Variants in DACH2 observed in about 807,000 individuals in gnomAD.
The protein encoded by DACH2 is dachshund homolog 2.
A neutral mutation model predicts 35.8 loss-of-function variants in DACH2; 17 were observed. The ratio of observed to expected loss-of-function variants is 0.48; its 90% confidence interval spans 0.33 to 0.71. DACH2 has a LOEUF of 0.71. Among genes scored for constraint, DACH2 ranks in the 30% least tolerant of loss-of-function variants. DACH2 has a pLI of 0.02. For missense variants in DACH2, 469 were observed against 472.7 expected, an observed-to-expected ratio of 0.99 and a Z score of 0.07; for synonymous variants, 195 against 177.3, an observed-to-expected ratio of 1.10 and a Z score of -0.79.
intron 7 of DACH2, among the ~76,000 whole-genome samples, chrX:86,754,281 A>C (rs1319358734): frequency 9.0e-6 from 1 of 111,069 alleles, no homozygotes; most frequent in Non-Finnish European, 1.9e-5. Flanking sequence ...AATCATCTAG[A>C]ATGTAGTACA....
chrX:86,542,281 G>A (rs767723134), intron 3 of DACH2, among the ~76,000 whole-genome samples: 1 of 111,592 alleles, frequency 9.0e-6, no homozygotes, highest in South Asian at 3.8e-4. Flanking sequence ...TTGGTGTCGG[G>A]AGGTGGGGAT....
chrX:86,722,500 C>T (rs1046141422), intron 6 of DACH2, among the ~76,000 whole-genome samples: 2 of 102,016 alleles, frequency 2.0e-5, no homozygotes, highest in Admixed American at 2.1e-4. Context: ...TGACATGTTC[C>T]ACCATGCCTG....
At chrX:86,270,008 T>TTATATA (rs1176003234) in intron 1 of DACH2, among the ~76,000 whole-genome samples, 1 of 101,869 alleles carries the variant, frequency 9.8e-6, no homozygotes, top group African/African-American at 3.6e-5. Flanking sequence ...CATGTTTTAA[T>TTATATA]TATATATATA....
chrX:86,593,054 G>T (rs1040453659), intron 3 of DACH2, among the ~76,000 whole-genome samples: 6 of 111,098 alleles, frequency 5.4e-5, no homozygotes, highest in African/African-American at 1.6e-4. Context: ...TGATGTTGAT[G>T]ATAAATGGTG....
chrX:86,237,425 G>GT (rs1004458885), intron 1 of DACH2, among the ~76,000 whole-genome samples: 4 of 111,746 alleles, frequency 3.6e-5, no homozygotes, highest in East Asian at 2.8e-4. Flanking sequence ...AGCACAGTAG[G>GT]TTTTTTTACA....
At chrX:86,297,913 T>C (rs1164504975) in intron 1 of DACH2, among the ~76,000 whole-genome samples, 1 of 111,495 alleles carries the variant, frequency 9.0e-6, no homozygotes, top group Non-Finnish European at 1.9e-5. Context: ...AGGAAGCAGG[T>C]TCAGGGAAAT....
chrX:86,572,759 C>A (rs1219217080), intron 3 of DACH2, among the ~76,000 whole-genome samples: 1 of 111,403 alleles, frequency 9.0e-6, no homozygotes, highest in Non-Finnish European at 1.9e-5. Context: ...TACATAACCT[C>A]ATTTCTCCGT....
At chrX:86,181,825 T>C (rs2031504613) in intron 1 of DACH2, among the ~76,000 whole-genome samples, 1 of 112,005 alleles carries the variant, frequency 8.9e-6, no homozygotes, top group Non-Finnish European at 1.9e-5. Context: ...GTTCTATTTT[T>C]CCACATCCTC....
chrX:86,247,920 G>C (rs1387425535), intron 1 of DACH2, among the ~76,000 whole-genome samples: 2 of 111,055 alleles, frequency 1.8e-5, no homozygotes, highest in Admixed American at 9.6e-5. Context: ...TCATCACATA[G>C]ATAGAACTAG....
At chrX:86,742,627 C>T (rs995234728) in intron 7 of DACH2, 7 of 253,524 alleles carry the variant, frequency 2.8e-5, no homozygotes, top group African/African-American at 1.4e-4. Context: ...TACTCAGTTA[C>T]ATCTCTTATT....
intron 2 of DACH2, among the ~76,000 whole-genome samples, chrX:86,398,325 T>C (rs1323063150): frequency 8.9e-6 from 1 of 112,523 alleles, no homozygotes; most frequent in East Asian, 2.8e-4. Context: ...TTTGTTGATC[T>C]TTTCAAAAAA....
chrX:86,194,152 A>T (rs1244267255), intron 1 of DACH2, among the ~76,000 whole-genome samples: 1 of 111,326 alleles, frequency 9.0e-6, no homozygotes, highest in Non-Finnish European at 1.9e-5. Context: ...TAATTTGACT[A>T]TTGAAGACTA....
chrX:86,424,207 C>A (rs2148161795), intron 2 of DACH2, among the ~76,000 whole-genome samples: 1 of 110,607 alleles, frequency 9.0e-6, no homozygotes, highest in Non-Finnish European at 1.9e-5. Flanking sequence ...GGATGTTTTT[C>A]TATTTCTGTG....
chrX:86,220,165 C>CAAAA (rs57964243), intron 1 of DACH2, among the ~76,000 whole-genome samples: 2 of 50,081 alleles, frequency 4.0e-5, no homozygotes, highest in African/African-American at 1.9e-4. Context: ...GACTCCATCT[C>CAAAA]AAAAAAAAAA....
intron 3 of DACH2, among the ~76,000 whole-genome samples, chrX:86,557,139 G>T (rs1002325088): frequency 2.7e-5 from 3 of 110,429 alleles, no homozygotes; most frequent in Non-Finnish European, 5.7e-5. Flanking sequence ...CTTCCTTTTT[G>T]TTCTATCTTG....
At chrX:86,707,443 A>G (rs1336855213) in intron 5 of DACH2, among the ~76,000 whole-genome samples, 3 of 111,907 alleles carry the variant, frequency 2.7e-5, no homozygotes, top group South Asian at 3.7e-4. Context: ...AATCTCTTCC[A>G]GAAGATAGAA....
intron 1 of DACH2, among the ~76,000 whole-genome samples, chrX:86,254,088 A>G (rs2033453730): frequency 8.9e-6 from 1 of 112,133 alleles, no homozygotes; most frequent in Non-Finnish European, 1.9e-5. Context: ...TATAATGGGA[A>G]CATCAAACTT....
chrX:86,453,170 T>C (rs956314193), intron 2 of DACH2, among the ~76,000 whole-genome samples: 1 of 112,126 alleles, frequency 8.9e-6, no homozygotes, highest in Admixed American at 9.5e-5. Flanking sequence ...GATTGTGCTG[T>C]GGTCTGAAAG....
At chrX:86,294,902 G>T (rs2034409561) in intron 1 of DACH2, among the ~76,000 whole-genome samples, 1 of 110,599 alleles carries the variant, frequency 9.0e-6, no homozygotes, top group Admixed American at 9.5e-5. Context: ...CCCAGAGGTG[G>T]AGCCTACAGA....
Sources: gnomAD v4.1 joint callset for allele counts (sites outside exome capture counted in the v4.1 genomes callset) on GRCh38, gnomAD v4.1.1 for gene constraint, MANE v1.5 for transcripts, NCBI Gene and HGNC (gene_info 2026-07-23, HGNC 2026-07-21) for gene names.